MARK1: variants seen among roughly 807,000 people sequenced by gnomAD.
MARK1 encodes serine/threonine-protein kinase MARK1.
MARK1 carries 40 observed loss-of-function variants against 96.3 expected under a neutral mutation model. That is an observed-to-expected ratio of 0.42 (90% CI 0.32 to 0.54). The LOEUF (loss-of-function observed/expected upper bound fraction) is 0.54. Ranked by LOEUF, MARK1 falls within the 20% of genes least tolerant of loss-of-function variation. MARK1 has a pLI of 0.16. For missense variants in MARK1, 719 were observed against 984.6 expected (o/e 0.73, Z 3.61); for synonymous variants, 317 against 341.2 (o/e 0.93, Z 0.78).
chr1:220,563,402 C>T (rs564913605), intron 1 of MARK1, among the ~76,000 whole-genome samples: 29 of 152,220 alleles, frequency 1.9e-4, no homozygotes, highest in African/African-American at 6.3e-4. Context: ...ATTTACTCAG[C>T]GTTACTGAGT....
chr1:220,554,741 GGC>G (rs1399989807), intron 1 of MARK1, among the ~76,000 whole-genome samples: 2 of 152,114 alleles, frequency 1.3e-5, no homozygotes, highest in African/African-American at 2.4e-5. Flanking sequence ...TGCTGTAATT[GGC>G]ATAACCAACT....
At chr1:220,559,143 A>G (rs1385406338) in intron 1 of MARK1, among the ~76,000 whole-genome samples, 1 of 152,240 alleles carries the variant, frequency 6.6e-6, no homozygotes, top group African/African-American at 2.4e-5. Context: ...TTCTTTGAAA[A>G]GATGAATAAA....
At chr1:220,650,864 A>G (rs1052940426) in intron 14 of MARK1, 144 bp downstream of exon 14, 40 of 566,238 alleles carry the variant, frequency 7.1e-5, no homozygotes, top group Non-Finnish European at 1.2e-4. Context: ...TCTTAGTAAG[A>G]CATCTTTCCT....
chr1:220,607,853 C>T (rs1029510264), intron 6 of MARK1, among the ~76,000 whole-genome samples: 1 of 152,100 alleles, frequency 6.6e-6, no homozygotes, highest in East Asian at 1.9e-4. Context: ...TGATGGATTA[C>T]GTTTATTGAT....
intron 9 of MARK1, among the ~76,000 whole-genome samples, chr1:220,624,784 A>G (rs1667235952): frequency 6.6e-6 from 1 of 152,144 alleles, no homozygotes; most frequent in African/African-American, 2.4e-5. Context: ...TTTTCCTTCT[A>G]ATTGCTTATC....
intron 3 of MARK1, among the ~76,000 whole-genome samples, chr1:220,585,470 G>GA: frequency 6.6e-6 from 1 of 152,276 alleles, no homozygotes; most frequent in South Asian, 2.1e-4. Flanking sequence ...AAACTGTGCA[G>GA]TTTAGTGACC....
chr1:220,559,881 T>A (rs2102771795), intron 1 of MARK1, among the ~76,000 whole-genome samples: 1 of 101,166 alleles, frequency 9.9e-6, no homozygotes, highest in African/African-American at 3.3e-5. Context: ...AAGAGTAAAG[T>A]GAGTGTACAG....
intron 13 of MARK1, among the ~76,000 whole-genome samples, chr1:220,649,409 TG>T (rs1218419545): frequency 2.0e-5 from 3 of 152,040 alleles, no homozygotes; most frequent in African/African-American, 7.2e-5. Context: ...TTGTATTTTT[TG>T]TGGAGATGGG....
intron 13 of MARK1, among the ~76,000 whole-genome samples, chr1:220,639,948 G>A (rs746590393): frequency 5.3e-5 from 8 of 152,120 alleles, no homozygotes; most frequent in Non-Finnish European, 1.2e-4. Context: ...AATTTGCATT[G>A]TCTTGTCTAT....
At chr1:220,557,558 CA>C (rs553520523) in intron 1 of MARK1, among the ~76,000 whole-genome samples, 6 of 145,826 alleles carry the variant, frequency 4.1e-5, no homozygotes, top group East Asian at 2.0e-4. Flanking sequence ...GACTCTGTCT[CA>C]AAAAAAAAGG....
At chr1:220,547,349 C>G (rs897015394) in intron 1 of MARK1, among the ~76,000 whole-genome samples, 1 of 152,158 alleles carries the variant, frequency 6.6e-6, no homozygotes, top group Non-Finnish European at 1.5e-5. Flanking sequence ...TAACATCCTA[C>G]GGAAGAAAGT....
intron 1 of MARK1, among the ~76,000 whole-genome samples, chr1:220,564,159 G>T (rs189973282): frequency 6.6e-6 from 1 of 152,140 alleles, no homozygotes; most frequent in African/African-American, 2.4e-5. Context: ...AGTTCTCTGT[G>T]ATCTTAATTT....
intron 11 of MARK1, 151 bp downstream of exon 11, chr1:220,632,464 A>G (rs369524480): frequency 4.4e-5 from 19 of 436,630 alleles, no homozygotes; most frequent in African/African-American, 3.1e-4. Flanking sequence ...TAAATTATGA[A>G]CTGGTTGTAT....
intron 1 of MARK1, among the ~76,000 whole-genome samples, chr1:220,548,047 A>G (rs1399933384): frequency 2.0e-5 from 3 of 152,252 alleles, no homozygotes; most frequent in African/African-American, 7.2e-5. Context: ...TCTTCCTACA[A>G]TACTTTAGCA....
chr1:220,626,529 C>G (rs1166754541), intron 9 of MARK1: 1 of 510,350 alleles, frequency 2.0e-6, no homozygotes, highest in African/African-American at 1.9e-5. Flanking sequence ...ATCTGATCAT[C>G]AAAGCACATG....
At chr1:220,621,787 T>C (rs981028472) in intron 9 of MARK1, among the ~76,000 whole-genome samples, 1 of 152,176 alleles carries the variant, frequency 6.6e-6, no homozygotes, top group African/African-American at 2.4e-5. Context: ...TTTGCTAATA[T>C]TGAAATTTGA....
At chr1:220,582,462 C>T (rs1364232068) in intron 3 of MARK1, among the ~76,000 whole-genome samples, 1 of 152,172 alleles carries the variant, frequency 6.6e-6, no homozygotes, top group East Asian at 1.9e-4. Flanking sequence ...TTTGCCTACC[C>T]CTGTGCTGGG....
In MARK1 at chr1:220,618,565, A is replaced by G. The variant is rs1558302333; in HGVS notation, c.789+19A>G. 2.5e-6 allele frequency: 4 copies of G among 1,613,176 alleles called. No homozygotes were observed. Among genetic ancestry groups the G allele is most frequent in the South Asian group, 1.1e-5 (1 of 90,910 alleles). ...TTTAAAGGTATCAGCTAAATTCTTT[A>G]TTAATGTTTTATCCCCAAGTATGAT... On this transcript the variant is annotated intron_variant, in intron 8 of 17. Coordinates refer to ENST00000366917, the MANE Select transcript of MARK1 (RefSeq NM_018650.5). The surrounding 1 kb of genome is among the most constrained non-coding windows in gnomAD (Gnocchi z 4.6).
intron 13 of MARK1, among the ~76,000 whole-genome samples, chr1:220,646,432 C>A (rs77606166): frequency 0.011 from 1,715 of 152,292 alleles, 26 homozygotes; most frequent in African/African-American, 0.039. Flanking sequence ...GAAAAACATT[C>A]CACGTTCATG....
Sources: allele counts gnomAD v4.1 joint callset (sites outside exome capture counted in the v4.1 genomes callset), GRCh38; gene constraint gnomAD v4.1.1; non-coding constraint Gnocchi (gnomAD v3.1); transcripts MANE v1.5; gene names NCBI Gene and HGNC (gene_info 2026-07-23, HGNC 2026-07-21).